The following SFXN5 variants were observed in gnomAD, a reference collection of about 807,000 sequenced individuals.
The protein encoded by SFXN5 is sideroflexin 5.
SFXN5 carries 43 observed loss-of-function variants against 50.2 expected under a neutral mutation model. That is an observed-to-expected ratio of 0.86 (90% CI 0.67 to 1.11). The LOEUF (loss-of-function observed/expected upper bound fraction) is 1.11. SFXN5 is among the 50% of genes least tolerant of loss of function. SFXN5 has a pLI of 0.00. For synonymous variants in SFXN5, 203 were observed against 185.8 expected (o/e 1.09, Z -0.75); for missense variants, 463 against 454.1 (o/e 1.02, Z -0.18).
rs528481299 is a variant in SFXN5 at position 72,992,297 on chromosome 2, A to G, written c.535-3949T>C. 6.6e-6 allele frequency among the ~76,000 whole-genome samples: 1 copy of G among 152,264 alleles called. No individual in the cohort carries two copies. Among genetic ancestry groups the G allele is most frequent in the East Asian group, 1.9e-4 (1 of 5,184 alleles). ...GGGAGCTTCATGACACCAAATCTTTAGTGTCATGAGCTACACAGCTGGTGG... is the reference window on the plus strand; with the variant it reads ...GGGAGCTTCATGACACCAAATCTTTGGTGTCATGAGCTACACAGCTGGTGG... On this transcript the variant is annotated intron_variant, in intron 9 of 13. Coordinates refer to ENST00000272433, the MANE Select transcript of SFXN5 (RefSeq NM_144579.3). The surrounding 1 kb of genome is among the most constrained non-coding windows in gnomAD (Gnocchi z 4.5).
intron 11 of SFXN5, among the ~76,000 whole-genome samples, chr2:72,971,018 A>G (rs771697689): frequency 6.6e-6 from 1 of 152,172 alleles, no homozygotes; most frequent in Admixed American, 6.5e-5. Context: ...TGCAATTGCT[A>G]GAGTGGCTGA....
At chr2:73,020,089 G>T in intron 6 of SFXN5, 150 bp downstream of exon 6, 2 of 702,066 alleles carry the variant, frequency 2.8e-6, no homozygotes, top group Non-Finnish European at 4.7e-6. Context: ...GATGTGGTAA[G>T]AAATACATAT....
rs550826619 is a variant in SFXN5 at position 73,059,532 on chromosome 2, TC to T, written c.103-937del. On this transcript the variant is annotated intron_variant, in intron 1 of 13. Transcript: ENST00000272433. ...GCAGCCAATTCCTGTTCCTTTCCCT[TC>T]CCAATAAGGACCCTGCAATAGGCTC... 69 of 985,304 alleles carry T rather than the reference TC, an allele frequency of 7.0e-5. No individual in the cohort carries two copies. In the African/African-American group the frequency reaches 1.2e-3, roughly 17 times the overall value. The allele number at this position is 985,304 out of a possible 1,614,324, so 61.0% of individuals were successfully genotyped here. A position where few individuals can be genotyped will look rare whatever the true frequency, so the allele number is the denominator to read the frequency against.
In SFXN5 at chr2:73,058,598, TGAA is replaced by T; in HGVS notation, c.103-5_103-3del. Reference sequence around the variant, plus strand: ...CCTGAAGCGGCCATAGAAGGACGTCTGAAGAAGAGGATGAGAGAGAAGAGTGAA... The same window carrying T: ...CCTGAAGCGGCCATAGAAGGACGTCTGAAGAGGATGAGAGAGAAGAGTGAA... On this transcript the variant is annotated splice_polypyrimidine_tract_variant and splice_region_variant and intron_variant, in intron 1 of 13. Transcript: ENST00000272433. 2 of 1,613,950 alleles carry T rather than the reference TGAA, an allele frequency of 1.2e-6. No homozygotes were observed. The highest frequency in any genetic ancestry group is 1.7e-6 in the Non-Finnish European group (2 of 1,179,874).
intron 1 of SFXN5, among the ~76,000 whole-genome samples, chr2:73,061,025 T>C (rs1682746125): frequency 6.6e-6 from 1 of 150,818 alleles, no homozygotes; most frequent in Non-Finnish European, 1.5e-5. Context: ...TCTTAAAAGA[T>C]ATATGCTGGA....
intron 9 of SFXN5, among the ~76,000 whole-genome samples, chr2:72,989,460 T>C (rs540925916): frequency 1.6e-4 from 24 of 152,066 alleles, no homozygotes; most frequent in Non-Finnish European, 3.4e-4. Flanking sequence ...GGTGTGAGCT[T>C]GGCATATAAG....
chr2:72,984,699 G>A (rs1671693571), intron 10 of SFXN5, among the ~76,000 whole-genome samples: 1 of 152,228 alleles, frequency 6.6e-6, no homozygotes, highest in South Asian at 2.1e-4. Context: ...GCCCCCAGGA[G>A]CTCTGCAAAC....
Position 72,968,491 on chromosome 2 carries a change from G to C in SFXN5, c.784C>G (p.Pro262Ala). The C allele has an allele frequency of 1.2e-6, 2 of 1,613,242 alleles. No homozygotes were observed. Among genetic ancestry groups the C allele is most frequent in the South Asian group, 1.1e-5 (1 of 91,034 alleles). Residue 262 changes from proline to alanine, a missense_variant, in exon 12 of 14, where the codon CCC becomes GCC. Pro to Ala is a conservative substitution (Grantham distance 27). Transcript: ENST00000272433. ...ACGATCGGGGGTAGCACCAGGATGGGCATGGGCAGGACCACTCGCGTCAGC... is the reference window on the plus strand; with the variant it reads ...ACGATCGGGGGTAGCACCAGGATGGCCATGGGCAGGACCACTCGCGTCAGC... ...TALTRVVLPM[P>A]ILVLPPIVMS...
intron 10 of SFXN5, among the ~76,000 whole-genome samples, chr2:72,983,198 C>T (rs543701618): frequency 4.6e-5 from 7 of 152,272 alleles, no homozygotes; most frequent in Admixed American, 3.3e-4. Context: ...CATGAAGACC[C>T]GTGTGGCCTT....
chr2:73,059,387 C>T lies in SFXN5; in HGVS notation c.103-791G>A, dbSNP rs577672991. 42 of 985,414 alleles carry T rather than the reference C, an allele frequency of 4.3e-5. No homozygotes were observed. The African/African-American group carries it at 5.8e-4, about 14-fold the overall frequency. 61.0% of individuals were successfully genotyped at this position (985,414 alleles called of 1,614,324 possible). ...CTGGGGTTCATGCCTCACTACACTC[C>T]GGGCTCTGCCCCAAATTCCTCCCTG... On this transcript the variant is annotated intron_variant, in intron 1 of 13. Coordinates refer to ENST00000272433, the MANE Select transcript of SFXN5 (RefSeq NM_144579.3).
At chr2:73,071,500 T>A (rs1683619672) in intron 1 of SFXN5, 104 bp downstream of exon 1, 1 of 1,070,964 alleles carries the variant, frequency 9.3e-7, no homozygotes, top group African/African-American at 1.6e-5. Context: ...CAGGCTCCGC[T>A]GGCCGCGGGT....
intron 3 of SFXN5, among the ~76,000 whole-genome samples, chr2:73,034,715 G>A (rs552904088): frequency 2.0e-5 from 3 of 152,130 alleles, no homozygotes; most frequent in Non-Finnish European, 4.4e-5. Flanking sequence ...AGTTGCTTCC[G>A]AGCTGATTTC....
chr2:73,056,865 T>G (rs750968468), intron 2 of SFXN5, among the ~76,000 whole-genome samples: 1 of 152,228 alleles, frequency 6.6e-6, no homozygotes, highest in Non-Finnish European at 1.5e-5. Flanking sequence ...AACAACAGTT[T>G]GGCAGTTTCT....
At chr2:73,059,482 C>T (rs903246562) in intron 1 of SFXN5, 41 of 985,288 alleles carry the variant, frequency 4.2e-5, no homozygotes, top group Admixed American at 6.1e-5. Flanking sequence ...ATTCCCTCCC[C>T]TTATTTAGTA....
At chr2:73,031,626 G>C (rs1678317840) in intron 3 of SFXN5, among the ~76,000 whole-genome samples, 1 of 152,208 alleles carries the variant, frequency 6.6e-6, no homozygotes, top group African/African-American at 2.4e-5. Context: ...AAGCTAAAGT[G>C]GTGCTTGAAG....
At chr2:73,055,283 G>A (rs1332376679) in intron 2 of SFXN5, among the ~76,000 whole-genome samples, 1 of 152,216 alleles carries the variant, frequency 6.6e-6, no homozygotes, top group Non-Finnish European at 1.5e-5. Flanking sequence ...AATGCAAATG[G>A]GGTGAGAATA....
At chr2:72,967,751 G>A (rs1472122669) in intron 12 of SFXN5, among the ~76,000 whole-genome samples, 2 of 151,878 alleles carry the variant, frequency 1.3e-5, no homozygotes, top group African/African-American at 2.4e-5. Context: ...CCACCTAGGG[G>A]ACCCTCCCCT....
chr2:73,027,483 C>A (rs2105863741), intron 3 of SFXN5, among the ~76,000 whole-genome samples: 1 of 152,102 alleles, frequency 6.6e-6, no homozygotes, highest in South Asian at 2.1e-4. Context: ...GAAGAGAGAG[C>A]ATTTTTTAAA....
intron 10 of SFXN5, among the ~76,000 whole-genome samples, chr2:72,985,558 GC>G (rs1329206242): frequency 6.9e-6 from 1 of 145,794 alleles, no homozygotes; most frequent in East Asian, 2.1e-4. Flanking sequence ...AGAGATGGAA[GC>G]CTGTGGGGGG....
Sources: gnomAD v4.1 joint callset for allele counts (sites outside exome capture counted in the v4.1 genomes callset) on GRCh38, gnomAD v4.1.1 for gene constraint, Gnocchi (gnomAD v3.1) non-coding constraint, MANE v1.5 for transcripts, NCBI Gene and HGNC (gene_info 2026-07-23, HGNC 2026-07-21) for gene names.